MKRN1: variants seen among roughly 807,000 people sequenced by gnomAD.
The protein encoded by MKRN1 is E3 ubiquitin-protein ligase makorin-1.
A neutral mutation model predicts 55.5 loss-of-function variants in MKRN1; 9 were observed. The observed-to-expected ratio is 0.16, with a 90% confidence interval of 0.10 to 0.28. MKRN1 has a LOEUF of 0.28. MKRN1 is among the 10% of genes least tolerant of loss of function. MKRN1 has a pLI of 1.00. For missense variants in MKRN1, 488 were observed against 626.7 expected, an observed-to-expected ratio of 0.78 and a Z score of 2.36; for synonymous variants, 253 against 235.9, an observed-to-expected ratio of 1.07 and a Z score of -0.66.
intron 5 of MKRN1, chr7:140,456,113 CTTTT>C (rs57991505): frequency 2.7e-5 from 23 of 845,480 alleles, no homozygotes; most frequent in Middle Eastern, 4.4e-4. Context: ...CTAGCCAGTT[CTTTT>C]TTTTTTTTTT....
chr7:140,468,775 C>T (rs921164435), intron 2 of MKRN1, among the ~76,000 whole-genome samples: 1 of 150,440 alleles, frequency 6.6e-6, no homozygotes, highest in Non-Finnish European at 1.5e-5. Context: ...TCATTTTCCC[C>T]CTTTTTCAGC....
At chr7:140,465,352 T>C (rs1381040212) in intron 2 of MKRN1, among the ~76,000 whole-genome samples, 1 of 151,858 alleles carries the variant, frequency 6.6e-6, no homozygotes, top group Non-Finnish European at 1.5e-5. Flanking sequence ...TAACAAAATT[T>C]AGCCAGGCAT....
chr7:140,475,280 T>C (rs1447410100), intron 1 of MKRN1: 1 of 419,620 alleles, frequency 2.4e-6, no homozygotes, highest in Non-Finnish European at 4.8e-6. Context: ...GAGGCAGAGG[T>C]TGTAGTGAGC....
rs1309079781 is a variant in MKRN1, at chr7:140,454,019, G to C, written c.*498C>G. 5.8e-6 allele frequency: 1 copy of C among 173,376 alleles called. No individual in the cohort carries two copies. The highest frequency in any genetic ancestry group is 2.4e-5 in the African/African-American group (1 of 42,142). The allele number at this position is 173,376 out of a possible 1,614,324, so 10.7% of individuals were successfully genotyped here. On this transcript the variant is annotated 3_prime_UTR_variant, in exon 8 of 8. Coordinates refer to ENST00000255977, the MANE Select transcript of MKRN1 (RefSeq NM_013446.4). ...CAAGTGCACGTGGTAGGGATTACAGGGTAGGGAACAGATATAAAAACACAG... is the reference window on the plus strand; with the variant it reads ...CAAGTGCACGTGGTAGGGATTACAGCGTAGGGAACAGATATAAAAACACAG...
chr7:140,468,125 A>G (rs1008333028), intron 2 of MKRN1, among the ~76,000 whole-genome samples: 2 of 152,072 alleles, frequency 1.3e-5, no homozygotes, highest in African/African-American at 4.8e-5. Flanking sequence ...ATAAGGACCA[A>G]CTGCTAATTA....
intron 2 of MKRN1, among the ~76,000 whole-genome samples, chr7:140,461,341 C>T (rs1401212715): frequency 6.6e-6 from 1 of 152,166 alleles, no homozygotes; most frequent in Non-Finnish European, 1.5e-5. Context: ...ACATCTATTT[C>T]CTTCAAGAAC....
intron 2 of MKRN1, among the ~76,000 whole-genome samples, chr7:140,471,672 G>A (rs1464866619): frequency 6.6e-6 from 1 of 152,044 alleles, no homozygotes; most frequent in Admixed American, 6.6e-5. Flanking sequence ...GTCTCACTAG[G>A]TTACCCAGGC....
intron 1 of MKRN1, 126 bp from the exon 2 acceptor site, chr7:140,472,137 G>C (rs1794946723): frequency 3.0e-6 from 4 of 1,337,314 alleles, no homozygotes; most frequent in Non-Finnish European, 4.1e-6. Flanking sequence ...CACAAAGAAA[G>C]GGCCAGGCAT....
At chr7:140,467,178 A>G (rs910003476) in intron 2 of MKRN1, among the ~76,000 whole-genome samples, 1 of 151,968 alleles carries the variant, frequency 6.6e-6, no homozygotes, top group Non-Finnish European at 1.5e-5. Flanking sequence ...GGTTTTCCAC[A>G]GGTCAGGCTG....
chr7:140,464,573 T>C (rs781157100), intron 2 of MKRN1, among the ~76,000 whole-genome samples: 7 of 152,002 alleles, frequency 4.6e-5, no homozygotes, highest in African/African-American at 7.2e-5. Context: ...GGCATGGTGG[T>C]GCATGCCTGT....
intron 1 of MKRN1, chr7:140,478,948 G>T: frequency 2.0e-6 from 1 of 491,520 alleles, no homozygotes. Flanking sequence ...CGCGGACAGC[G>T]CTGAGGGCTC....
At chr7:140,479,026 A>C (rs1159301800) in intron 1 of MKRN1, 134 bp downstream of exon 1, 30 of 1,089,648 alleles carry the variant, frequency 2.8e-5, no homozygotes, top group South Asian at 8.6e-5. Context: ...CGAGGGCTGC[A>C]GAGATCGAGA....
At chr7:140,467,374 T>G (rs1794804293) in intron 2 of MKRN1, among the ~76,000 whole-genome samples, 1 of 151,958 alleles carries the variant, frequency 6.6e-6, no homozygotes, top group Non-Finnish European at 1.5e-5. Context: ...CCTTCCCAGG[T>G]TCAAGTGATT....
intron 1 of MKRN1, among the ~76,000 whole-genome samples, chr7:140,477,532 C>T (rs535503782): frequency 4.6e-5 from 7 of 152,202 alleles, no homozygotes; most frequent in Non-Finnish European, 1.0e-4. Flanking sequence ...CCATCTTGGC[C>T]AGGCTGGTCT....
Position 140,457,040 on chromosome 7 carries a change from T to G in MKRN1, c.772-174A>C, listed in dbSNP as rs563167032. Reference sequence around the variant, plus strand: ...AGTAAACACAGGTGTGGTGTTTTTTTTTTGTTTGTTTGTTTTTGCGGTGGT... The same window carrying G: ...AGTAAACACAGGTGTGGTGTTTTTTGTTTGTTTGTTTGTTTTTGCGGTGGT... On this transcript the variant is annotated intron_variant, in intron 4 of 7. Transcript: ENST00000255977. 1.9e-3 allele frequency: 1,304 copies of G among 672,298 alleles called. 3 individuals are homozygous for G. The highest frequency in any genetic ancestry group is 3.1e-3 in the South Asian group (151 of 48,990). 41.6% of individuals were successfully genotyped at this position (672,298 alleles called of 1,614,324 possible). A position where few individuals can be genotyped will look rare whatever the true frequency, so the allele number is the denominator to read the frequency against.
At chr7:140,466,938 GAAAC>G (rs201584159) in intron 2 of MKRN1, among the ~76,000 whole-genome samples, 3 of 149,732 alleles carry the variant, frequency 2.0e-5, no homozygotes, top group South Asian at 4.3e-4. Flanking sequence ...AACAAAGAAA[GAAAC>G]AAACAACAAA....
At chr7:140,456,960 AGTC>A in intron 4 of MKRN1, 94 bp from the exon 5 acceptor site, 2 of 1,245,092 alleles carry the variant, frequency 1.6e-6, no homozygotes, top group Admixed American at 2.4e-5. Context: ...AGAATCAAAT[AGTC>A]AACTGAAAAA....
At chr7:140,472,657 A>G (rs201834129) in intron 1 of MKRN1, among the ~76,000 whole-genome samples, 1 of 150,678 alleles carries the variant, frequency 6.6e-6, no homozygotes, top group Non-Finnish European at 1.5e-5. Context: ...CAAAGTGCTG[A>G]GATTACAAGC....
intron 2 of MKRN1, among the ~76,000 whole-genome samples, chr7:140,470,833 C>T (rs1006796854): frequency 6.6e-6 from 1 of 151,830 alleles, no homozygotes; most frequent in South Asian, 2.1e-4. Context: ...AGGAGAATTG[C>T]TTGAATCTGG....
Sources: gnomAD v4.1 joint callset for allele counts (sites outside exome capture counted in the v4.1 genomes callset) on GRCh38, gnomAD v4.1.1 for gene constraint, MANE v1.5 for transcripts, NCBI Gene and HGNC (gene_info 2026-07-23, HGNC 2026-07-21) for gene names.